Variants in ZNF462 observed in about 807,000 individuals in gnomAD.
The protein encoded by ZNF462 is zinc finger protein 462, also known as zinc finger PBX1-interacting protein.
Under a neutral mutation model 201.9 loss-of-function variants are expected in ZNF462, and 10 were observed. That is an observed-to-expected ratio of 0.05 (90% CI 0.03 to 0.08). The LOEUF is 0.08. Among genes scored for constraint, ZNF462 ranks in the 10% least tolerant of loss-of-function variants. The pLI, the probability that ZNF462 is intolerant of heterozygous loss-of-function variation, is 1.00. For missense variants in ZNF462, 2,523 were observed against 3,168.3 expected (o/e 0.80, Z 4.89); for synonymous variants, 1,227 against 1,193.3 (o/e 1.03, Z -0.58).
In ZNF462 at chr9:106,919,070, G is replaced by GTC. The variant is rs1829888832; in HGVS notation, c.-30-4284_-30-4283insTC. Among the ~76,000 whole-genome samples the GTC allele has an allele frequency of 6.6e-6, 1 of 152,252 alleles. No homozygotes were observed. The highest frequency in any genetic ancestry group is 2.4e-5 in the African/African-American group (1 of 41,472). ...AATCACATGGCTGTGGTGCTTCACA[G>GTC]CTTTATTTCTGGGCTGCAGTCCTTC... On this transcript the variant is annotated intron_variant, in intron 1 of 12. Coordinates refer to ENST00000277225, the MANE Select transcript of ZNF462 (RefSeq NM_021224.6). This position sits in a 1 kb window ranked among gnomAD's most constrained non-coding sequence, Gnocchi z 4.5.
rs780767515 is a variant in ZNF462 at position 106,925,520 on chromosome 9, C to T, written c.1608C>T (p.Pro536=). The T allele has an allele frequency of 2.0e-5, 32 of 1,613,910 alleles. No individual in the cohort carries two copies. Among genetic ancestry groups the T allele is most frequent in the Non-Finnish European group, 2.6e-5 (31 of 1,179,982 alleles). The change falls in exon 3 of 13, where the codon CCC becomes CCT. Residue 536 remains proline (P), a synonymous_variant. Coordinates refer to ENST00000277225, the MANE Select transcript of ZNF462 (RefSeq NM_021224.6). The surrounding 1 kb of genome is among the most constrained non-coding windows in gnomAD (Gnocchi z 7.9). ...NGRKSGVMLD[P]LQQQQPPQPP... ...GAAAGTCAGGAGTCATGTTGGATCC[C>T]TTGCAGCAGCAACAGCCACCGCAGC...
chr9:106,943,059 C>CGTGTGTGTGTGTGT lies in ZNF462; in HGVS notation c.6427+3973_6427+3986dup, dbSNP rs3056311. Among the ~76,000 whole-genome samples the CGTGTGTGTGTGTGT allele has an allele frequency of 3.5e-3, 505 of 143,234 alleles. 5 individuals carry two copies. The highest frequency in any genetic ancestry group is 0.011 in the African/African-American group (423 of 37,940). 94.0% of individuals were successfully genotyped at this position (143,234 alleles called of 152,430 possible). ...GTAACATAGTTTTGTTTTGCGCGCG[C>CGTGTGTGTGTGTGT]GTGTGTGTGTGTGTGTGTGTGTGTG... is the stretch of plus-strand genomic sequence containing the variant. On this transcript the variant is annotated intron_variant, in intron 7 of 12. Coordinates refer to ENST00000277225, the MANE Select transcript of ZNF462 (RefSeq NM_021224.6).
At position 106,880,707 on chromosome 9, in the gene ZNF462, G is replaced by A. The variant is rs1369681518; in HGVS notation, c.-31+17352G>A. 2.0e-5 allele frequency among the ~76,000 whole-genome samples: 3 copies of A among 152,256 alleles called. No homozygotes were observed. Among genetic ancestry groups the A allele is most frequent in the Non-Finnish European group, 4.4e-5 (3 of 68,016 alleles). ...CTCACCTATATTTCTCTATTTAAAT[G>A]TGTTTGTAGTCAGAACTTCAGTATA... is the stretch of plus-strand genomic sequence containing the variant. On this transcript the variant is annotated intron_variant, in intron 1 of 12. Coordinates refer to ENST00000277225, the MANE Select transcript of ZNF462 (RefSeq NM_021224.6). This position sits in a 1 kb window ranked among gnomAD's most constrained non-coding sequence, Gnocchi z 4.1.
upstream of ZNF462, among the ~76,000 whole-genome samples, chr9:106,861,516 CT>C (rs1248180032): frequency 2.6e-5 from 4 of 152,232 alleles, no homozygotes; most frequent in Admixed American, 6.5e-5. Flanking sequence ...ACAAAAGAAA[CT>C]TTAATTAAGG....
intron 10 of ZNF462, among the ~76,000 whole-genome samples, chr9:106,996,146 C>G (rs1828713785): frequency 6.6e-6 from 1 of 152,170 alleles, no homozygotes; most frequent in South Asian, 2.1e-4. Flanking sequence ...GACATGAACT[C>G]ATCCTTTTTT....
At chr9:106,934,563 T>A (rs118016792) in intron 5 of ZNF462, among the ~76,000 whole-genome samples, 1,980 of 152,250 alleles carry the variant, frequency 0.013, 17 homozygotes, top group Non-Finnish European at 0.018. Flanking sequence ...CTCTGATGGG[T>A]TTGTTTAGAA....
Position 106,950,588 on chromosome 9 carries a change from G to T in ZNF462, c.6427+11481G>T, listed in dbSNP as rs192949737. 2.2e-4 allele frequency among the ~76,000 whole-genome samples: 34 copies of T among 152,288 alleles called. No homozygotes were observed. The highest frequency in any genetic ancestry group is 6.5e-4 in the Admixed American group (10 of 15,290). Reference sequence around the variant, plus strand: ...AATGCCATCAATATGTCTATTAGAAGAAACATAATAATTGTCATAACTAAA... The same window carrying T: ...AATGCCATCAATATGTCTATTAGAATAAACATAATAATTGTCATAACTAAA... On this transcript the variant is annotated intron_variant, in intron 7 of 12. Coordinates refer to ENST00000277225, the MANE Select transcript of ZNF462 (RefSeq NM_021224.6). The surrounding 1 kb of genome is among the most constrained non-coding windows in gnomAD (Gnocchi z 4.1).
At chr9:106,937,209 T>A (rs570512332) in intron 6 of ZNF462, among the ~76,000 whole-genome samples, 2 of 152,228 alleles carry the variant, frequency 1.3e-5, no homozygotes, top group East Asian at 3.9e-4. Context: ...CAAGCTTGCA[T>A]TAAAAGAAAA....
At position 107,012,155 on chromosome 9, in the gene ZNF462, G is replaced by C. The variant is rs544402079; in HGVS notation, c.*1125G>C. ...AATTTAACTAAAGAACCAAACTTTC[G>C]GCACAGCTATGCAGCTTGTGGGCCA... On this transcript the variant is annotated 3_prime_UTR_variant, in exon 13 of 13. Transcript: ENST00000277225. The C allele has an allele frequency of 2.2e-5, 3 of 137,792 alleles. No homozygotes were observed. The highest frequency in any genetic ancestry group is 2.2e-4 in the East Asian group (1 of 4,650). The allele number at this position is 137,792 out of a possible 1,614,324, so 8.5% of individuals were successfully genotyped here.
chr9:106,939,755 C>T (rs981378262), intron 7 of ZNF462, among the ~76,000 whole-genome samples: 1 of 152,170 alleles, frequency 6.6e-6, no homozygotes, highest in African/African-American at 2.4e-5. Flanking sequence ...GAGAAAGAGT[C>T]CAGACCTTAG....
intron 1 of ZNF462, among the ~76,000 whole-genome samples, chr9:106,893,832 G>A (rs934020868): frequency 6.6e-6 from 1 of 152,202 alleles, no homozygotes; most frequent in African/African-American, 2.4e-5. Flanking sequence ...TTGCACACTT[G>A]TACTACGTGG....
chr9:106,986,702 T>C (rs1445402837), intron 10 of ZNF462, among the ~76,000 whole-genome samples: 2 of 152,182 alleles, frequency 1.3e-5, no homozygotes, highest in Non-Finnish European at 2.9e-5. Context: ...TGTGAGATTT[T>C]GGTGCACCCA....
Position 106,923,570 on chromosome 9 carries a change from A to C in ZNF462, c.187A>C (p.Lys63Gln), listed in dbSNP as rs369023738. 1.9e-6 allele frequency: 3 copies of C among 1,614,102 alleles called. No individual in the cohort carries two copies. The African/African-American group carries it at 4.0e-5, about 22-fold the overall frequency. The change falls in exon 2 of 13, where the codon AAG becomes CAG. Residue 63 changes from lysine (K) to glutamine (Q), a missense_variant. Transcript: ENST00000277225. The surrounding 1 kb of genome is among the most constrained non-coding windows in gnomAD (Gnocchi z 5.6). Reference sequence around the variant, plus strand: ...GACAGAGGTGGAGTTTTCTTCTATAAAGGATGAATTTGCCATTGCAGAAGA... The same window carrying C: ...GACAGAGGTGGAGTTTTCTTCTATACAGGATGAATTTGCCATTGCAGAAGA... ...NQTEVEFSSI[K>Q]DEFAIAEDLS...
intron 1 of ZNF462, among the ~76,000 whole-genome samples, chr9:106,889,533 C>T (rs1199493594): frequency 6.6e-6 from 1 of 152,238 alleles, no homozygotes; most frequent in African/African-American, 2.4e-5. Flanking sequence ...TTTACACAGC[C>T]TTTCCCCGCT....
At chr9:106,987,352 G>A (rs1022026745) in intron 10 of ZNF462, among the ~76,000 whole-genome samples, 8 of 151,962 alleles carry the variant, frequency 5.3e-5, no homozygotes, top group Non-Finnish European at 1.0e-4. Context: ...TTTTTATTAT[G>A]TCCATTTTTG....
intron 1 of ZNF462, among the ~76,000 whole-genome samples, chr9:106,894,430 T>C (rs1268982587): frequency 6.6e-6 from 1 of 152,266 alleles, no homozygotes; most frequent in Non-Finnish European, 1.5e-5. Context: ...AACAGACTTT[T>C]CATTTTTATG....
chr9:107,010,687 A>C lies in ZNF462; in HGVS notation c.7314-136A>C. On this transcript the variant is annotated intron_variant, in intron 12 of 12. Transcript: ENST00000277225. This position sits in a 1 kb window ranked among gnomAD's most constrained non-coding sequence, Gnocchi z 4.6. ...TGGTATTTTGTCATACACCCATGGC[A>C]TTTGTTCAAAGGAAACCCCAAGGCT... 1 of 780,176 alleles carries C rather than the reference A, an allele frequency of 1.3e-6. No individual in the cohort carries two copies. Among genetic ancestry groups the C allele is most frequent in the Non-Finnish European group, 2.0e-6 (1 of 506,444 alleles). 48.3% of individuals were successfully genotyped at this position (780,176 alleles called of 1,614,324 possible).
In ZNF462 at chr9:106,873,727, G is replaced by T. The variant is rs540357775; in HGVS notation, c.-31+10372G>T. Among the ~76,000 whole-genome samples, 7 of 152,272 alleles carry T rather than the reference G, an allele frequency of 4.6e-5. No individual in the cohort carries two copies. The East Asian group carries it at 1.4e-3, about 29-fold the overall frequency. ...CTCTGAAACATCACAAGATAGTAAG[G>T]AAGTTCATGGATGAGCACAAATGTC... On this transcript the variant is annotated intron_variant, in intron 1 of 12. Transcript: ENST00000277225.
In ZNF462 at chr9:107,011,107, G is replaced by C; in HGVS notation, c.*77G>C. On this transcript the variant is annotated 3_prime_UTR_variant, in exon 13 of 13. Coordinates refer to ENST00000277225, the MANE Select transcript of ZNF462 (RefSeq NM_021224.6). This position sits in a 1 kb window ranked among gnomAD's most constrained non-coding sequence, Gnocchi z 5.6. The stretch of plus-strand genomic sequence containing the variant: ...GGGAGGGCTGGCTTGGGCTGAGAAG[G>C]GAGGGACAGAAAAGAGAAGACAGAA... 6.9e-7 allele frequency: 1 copy of C among 1,452,222 alleles called. No individual in the cohort carries two copies. The highest frequency in any genetic ancestry group is 9.5e-7 in the Non-Finnish European group (1 of 1,055,370). The allele number at this position is 1,452,222 out of a possible 1,614,324, so 90.0% of individuals were successfully genotyped here.
Sources: allele counts gnomAD v4.1 joint callset (sites outside exome capture counted in the v4.1 genomes callset), GRCh38; gene constraint gnomAD v4.1.1; non-coding constraint Gnocchi (gnomAD v3.1); transcripts MANE v1.5; gene names NCBI Gene and HGNC (gene_info 2026-07-23, HGNC 2026-07-21).